Variants in BANK1 observed in about 807,000 individuals in gnomAD.
BANK1 encodes B cell scaffold protein with ankyrin repeats 1.
A neutral mutation model predicts 94.5 loss-of-function variants in BANK1; 95 were observed. That is an observed-to-expected ratio of 1.00 (90% CI 0.85 to 1.19). The LOEUF (loss-of-function observed/expected upper bound fraction) is 1.19, where lower values mean the gene tolerates loss of function less well. Among genes scored for constraint, BANK1 ranks in the 50% most tolerant of loss-of-function variants. The pLI is 0.00. For missense variants in BANK1, 987 were observed against 932.2 expected (o/e 1.06, Z -0.77); for synonymous variants, 334 against 308.4 (o/e 1.08, Z -0.87).
chr4:102,000,721 T>A (rs1726037851), intron 7 of BANK1, among the ~76,000 whole-genome samples: 1 of 152,228 alleles, frequency 6.6e-6, no homozygotes, highest in Non-Finnish European at 1.5e-5. Flanking sequence ...AAAAAGCTGA[T>A]GAATTCTATA....
At chr4:101,853,684 T>C (rs1339602865) in intron 2 of BANK1, among the ~76,000 whole-genome samples, 1 of 152,182 alleles carries the variant, frequency 6.6e-6, no homozygotes, top group Non-Finnish European at 1.5e-5. Context: ...TAATGGAATA[T>C]TAATGACTCT....
chr4:101,978,142 G>A (rs1725199002), intron 7 of BANK1, among the ~76,000 whole-genome samples: 1 of 146,714 alleles, frequency 6.8e-6, no homozygotes, highest in African/African-American at 2.5e-5. Context: ...TAAAAAAGTA[G>A]GTACTTAAAA....
intron 2 of BANK1, among the ~76,000 whole-genome samples, chr4:101,849,676 A>T (rs898296380): frequency 1.3e-5 from 2 of 152,202 alleles, no homozygotes; most frequent in African/African-American, 4.8e-5. Context: ...GTGTGTATAT[A>T]TATGATTATG....
chr4:101,919,401 T>C (rs1722928244), intron 7 of BANK1, among the ~76,000 whole-genome samples: 1 of 151,966 alleles, frequency 6.6e-6, no homozygotes, highest in South Asian at 2.1e-4. Context: ...TTCAACCCCA[T>C]GCACACTTCA....
At chr4:101,904,821 T>C (rs6532977) in intron 6 of BANK1, among the ~76,000 whole-genome samples, 3 of 151,450 alleles carry the variant, frequency 2.0e-5, no homozygotes, top group Admixed American at 1.3e-4. Flanking sequence ...AGGGGCTTTA[T>C]TAACTCCAAC....
At chr4:102,066,549 G>A (rs952543401) in intron 13 of BANK1, among the ~76,000 whole-genome samples, 2 of 151,932 alleles carry the variant, frequency 1.3e-5, no homozygotes, top group Non-Finnish European at 2.9e-5. Context: ...GAGCCAATGC[G>A]ACCAGCCAAT....
At chr4:101,914,351 C>T (rs1722759369) in intron 6 of BANK1, among the ~76,000 whole-genome samples, 1 of 152,136 alleles carries the variant, frequency 6.6e-6, no homozygotes, top group Non-Finnish European at 1.5e-5. Flanking sequence ...GAGCAGTACA[C>T]AGGGGCCATA....
chr4:102,068,441 G>GA (rs370564573), intron 13 of BANK1, among the ~76,000 whole-genome samples: 16 of 150,280 alleles, frequency 1.1e-4, no homozygotes, highest in African/African-American at 1.2e-4. Context: ...AATGATCAAG[G>GA]AAAAAAAAAG....
intron 2 of BANK1, among the ~76,000 whole-genome samples, chr4:101,841,162 T>A (rs111726557): frequency 0.01 from 1,558 of 152,158 alleles, 21 homozygotes; most frequent in African/African-American, 0.035. Context: ...AAGCTTTTTA[T>A]TTTTCTAATT....
intron 11 of BANK1, among the ~76,000 whole-genome samples, chr4:102,050,932 C>T (rs1489576711): frequency 6.6e-6 from 1 of 152,020 alleles, no homozygotes; most frequent in Non-Finnish European, 1.5e-5. Flanking sequence ...GAGCTTGTAA[C>T]CCCTAGTATA....
At chr4:101,813,157 A>G (rs1725781611) in intron 1 of BANK1, among the ~76,000 whole-genome samples, 1 of 152,138 alleles carries the variant, frequency 6.6e-6, no homozygotes, top group African/African-American at 2.4e-5. Flanking sequence ...TAAGTTTTAG[A>G]TACATAATGT....
In BANK1 at chr4:101,994,965, A is replaced by G. The variant is rs1003329928; in HGVS notation, c.1207-26549A>G. 3.9e-5 allele frequency among the ~76,000 whole-genome samples: 6 copies of G among 152,080 alleles called. No individual in the cohort carries two copies. The South Asian group carries it at 8.3e-4, about 21-fold the overall frequency. On this transcript the variant is annotated intron_variant, in intron 7 of 16. Transcript: ENST00000322953. ...TTGATATTGCCTCTTTTTTAAAATT[A>G]TACTTTAAGTTTTGGGAGACATGTG... is the stretch of plus-strand genomic sequence containing the variant.
chr4:101,906,347 G>A (rs1162289566), intron 6 of BANK1, among the ~76,000 whole-genome samples: 1 of 152,070 alleles, frequency 6.6e-6, no homozygotes. Context: ...GTTGATCGGG[G>A]GGTATATTCT....
chr4:101,964,416 T>G (rs1724676228), intron 7 of BANK1, among the ~76,000 whole-genome samples: 1 of 152,104 alleles, frequency 6.6e-6, no homozygotes, highest in African/African-American at 2.4e-5. Context: ...CCGTAACTGA[T>G]CTATAGAACT....
intron 14 of BANK1, among the ~76,000 whole-genome samples, chr4:102,071,992 T>C (rs35880229): frequency 0.21 from 31,345 of 151,982 alleles, 3,513 homozygotes; most frequent in East Asian, 0.31. Context: ...AAGGCGCAGG[T>C]TTTTGTGGAA....
intron 5 of BANK1, among the ~76,000 whole-genome samples, chr4:101,886,360 A>C (rs1728855492): frequency 6.6e-6 from 1 of 152,210 alleles, no homozygotes; most frequent in Non-Finnish European, 1.5e-5. Context: ...GAAGGGCCAG[A>C]AAGGAAAGAA....
chr4:101,900,008 C>T (rs1463870881), intron 6 of BANK1, among the ~76,000 whole-genome samples: 1 of 152,164 alleles, frequency 6.6e-6, no homozygotes, highest in Non-Finnish European at 1.5e-5. Flanking sequence ...CCTCTCAGCC[C>T]AATTCCATTA....
intron 7 of BANK1, among the ~76,000 whole-genome samples, chr4:102,006,306 T>C (rs1432232523): frequency 1.3e-5 from 2 of 152,026 alleles, no homozygotes; most frequent in Non-Finnish European, 2.9e-5. Flanking sequence ...GGATGCACAG[T>C]AGAATTCCCA....
intron 7 of BANK1, among the ~76,000 whole-genome samples, chr4:101,964,281 G>A (rs1400256226): frequency 6.6e-6 from 1 of 151,906 alleles, no homozygotes; most frequent in Non-Finnish European, 1.5e-5. Context: ...GAACATGGGG[G>A]AATTGGCTTC....
Sources: allele counts gnomAD v4.1 joint callset (sites outside exome capture counted in the v4.1 genomes callset), GRCh38; gene constraint gnomAD v4.1.1; transcripts MANE v1.5; gene names NCBI Gene and HGNC (gene_info 2026-07-23, HGNC 2026-07-21).